The following MTMR7 variants were observed in gnomAD, a reference collection of about 807,000 sequenced individuals.
MTMR7 encodes phosphatidylinositol-3-phosphate phosphatase MTMR7.
A neutral mutation model predicts 81.2 loss-of-function variants in MTMR7; 76 were observed. That is an observed-to-expected ratio of 0.94 (90% CI 0.78 to 1.13). The LOEUF (loss-of-function observed/expected upper bound fraction) is 1.13. MTMR7 is among the 50% of genes most tolerant of loss of function. The pLI is 0.00. For synonymous variants in MTMR7, 372 were observed against 289.8 expected (o/e 1.28, Z -2.88); for missense variants, 1,044 against 820.0 (o/e 1.27, Z -3.34).
At chr8:17,322,449 C>T (rs1818439307) in intron 7 of MTMR7, among the ~76,000 whole-genome samples, 1 of 152,114 alleles carries the variant, frequency 6.6e-6, no homozygotes, top group African/African-American at 2.4e-5. Context: ...TCATGGTAAC[C>T]TGTACTATCC....
intron 6 of MTMR7, among the ~76,000 whole-genome samples, chr8:17,333,156 C>T (rs1249469363): frequency 6.6e-6 from 1 of 152,138 alleles, no homozygotes; most frequent in Admixed American, 6.6e-5. Flanking sequence ...CACATCAGCC[C>T]CTCAGGACAC....
intron 4 of MTMR7, among the ~76,000 whole-genome samples, chr8:17,355,754 T>C (rs1224009398): frequency 6.6e-6 from 1 of 151,732 alleles, no homozygotes; most frequent in East Asian, 1.9e-4. Flanking sequence ...AAACAACAAA[T>C]AATCTTATAG....
At chr8:17,406,325 C>CA (rs1821580977) in intron 1 of MTMR7, among the ~76,000 whole-genome samples, 1 of 152,042 alleles carries the variant, frequency 6.6e-6, no homozygotes, top group Admixed American at 6.6e-5. Context: ...AAGAAAGAAA[C>CA]AAAGGAATTG....
chr8:17,316,667 A>G (rs1338476676), intron 7 of MTMR7, among the ~76,000 whole-genome samples: 7 of 152,206 alleles, frequency 4.6e-5, no homozygotes, highest in South Asian at 2.1e-4. Flanking sequence ...AAAAATAACA[A>G]TACAACAAAA....
chr8:17,346,971 G>A (rs568680366), intron 5 of MTMR7, among the ~76,000 whole-genome samples: 1 of 149,600 alleles, frequency 6.7e-6, no homozygotes, highest in Admixed American at 6.7e-5. Flanking sequence ...GAGGCAGGCA[G>A]ATCACTTGAG....
chr8:17,322,308 C>T (rs1818431528), intron 7 of MTMR7, among the ~76,000 whole-genome samples: 1 of 152,200 alleles, frequency 6.6e-6, no homozygotes, highest in South Asian at 2.1e-4. Context: ...GCTACACAAG[C>T]TCATCACCAT....
At chr8:17,411,785 A>G (rs577771965) in intron 1 of MTMR7, among the ~76,000 whole-genome samples, 1 of 152,356 alleles carries the variant, frequency 6.6e-6, no homozygotes, top group Non-Finnish European at 1.5e-5. Context: ...GGCTTTGTAT[A>G]TAGAACAGAA....
chr8:17,394,291 C>G (rs991679170), intron 1 of MTMR7, among the ~76,000 whole-genome samples: 10 of 152,148 alleles, frequency 6.6e-5, no homozygotes, highest in Non-Finnish European at 1.2e-4. Flanking sequence ...AGAAACAACT[C>G]AAATATCCAT....
rs1474795512 is a variant in MTMR7 at position 17,299,086 on chromosome 8, A to G, written c.*776T>C. ...TCGGTAGTGTAGTCTCTAGAACAGT[A>G]ATAAAAGGTTATTACAAGAAAGCTG... is the stretch of plus-strand genomic sequence containing the variant. On this transcript the variant is annotated 3_prime_UTR_variant, in exon 14 of 14. Transcript: ENST00000180173. 6.6e-6 allele frequency: 1 copy of G among 152,168 alleles called. No individual in the cohort carries two copies. Among genetic ancestry groups the G allele is most frequent in the Non-Finnish European group, 1.5e-5 (1 of 68,032 alleles). The allele number at this position is 152,168 out of a possible 1,614,324, so 9.4% of individuals were successfully genotyped here. A position where few individuals can be genotyped will look rare whatever the true frequency, so the allele number is the denominator to read the frequency against.
chr8:17,357,250 G>C (rs1292403923), intron 4 of MTMR7, among the ~76,000 whole-genome samples: 1 of 152,144 alleles, frequency 6.6e-6, no homozygotes, highest in African/African-American at 2.4e-5. Flanking sequence ...TTGTAAAGTA[G>C]AAATAATAAT....
intron 1 of MTMR7, among the ~76,000 whole-genome samples, chr8:17,377,839 A>G (rs1289773572): frequency 6.6e-6 from 1 of 152,146 alleles, no homozygotes; most frequent in African/African-American, 2.4e-5. Flanking sequence ...TATTTTACTT[A>G]AACTTTTGTC....
At chr8:17,302,526 T>C (rs1039490749) in intron 12 of MTMR7, 1 of 359,570 alleles carries the variant, frequency 2.8e-6, no homozygotes, top group Middle Eastern at 7.4e-4. Flanking sequence ...TAGCACAGAA[T>C]ACATTTTTCT....
At position 17,309,162 on chromosome 8, in the gene MTMR7, G is replaced by T. The variant is rs534661146; in HGVS notation, c.1151+115C>A. 3.4e-4 allele frequency: 241 copies of T among 705,836 alleles called. 3 individuals carry two copies. Among genetic ancestry groups the T allele is most frequent in the Middle Eastern group, 1.5e-3 (4 of 2,602 alleles). The allele number at this position is 705,836 out of a possible 1,614,324, so 43.7% of individuals were successfully genotyped here. On this transcript the variant is annotated intron_variant, in intron 10 of 13. Transcript: ENST00000180173. The stretch of plus-strand genomic sequence containing the variant: ...ATATACAACAAAATTTAAGCTTTCT[G>T]AATAAGAGACACAAACTCAAAAAAC...
At chr8:17,387,740 C>T (rs1453478076) in intron 1 of MTMR7, among the ~76,000 whole-genome samples, 1 of 152,010 alleles carries the variant, frequency 6.6e-6, no homozygotes, top group African/African-American at 2.4e-5. Context: ...TTATACTGAT[C>T]AGAGAAAAAT....
intron 3 of MTMR7, among the ~76,000 whole-genome samples, chr8:17,369,377 T>C (rs1039362632): frequency 3.3e-5 from 5 of 152,220 alleles, no homozygotes; most frequent in Admixed American, 2.0e-4. Flanking sequence ...CCTGGCGTCA[T>C]TTCCATTTAG....
chr8:17,299,865 G>C lies in MTMR7; in HGVS notation c.1980C>G (p.Ala660=). ...RDSDEAVFLT[A] is the part of the protein sequence containing the mutation. ...TTTGGAACTCCAAAGGGAAACTTCAGGCAGTGAGAAACACGGCTTCATCAG... is the reference window on the plus strand; with the variant it reads ...TTTGGAACTCCAAAGGGAAACTTCACGCAGTGAGAAACACGGCTTCATCAG... The change falls in exon 14 of 14, where the codon GCC becomes GCG. Residue 660 remains alanine, a synonymous_variant. Transcript: ENST00000180173. 1 of 1,613,864 alleles carries C rather than the reference G, an allele frequency of 6.2e-7. No homozygotes were observed. Among genetic ancestry groups the C allele is most frequent in the South Asian group, 1.1e-5 (1 of 91,056 alleles).
At position 17,341,487 on chromosome 8, in the gene MTMR7, C is replaced by A; in HGVS notation, c.608G>T (p.Cys203Phe). ...YYYKDNHASI[C>F]RSSQPLSGFS... The stretch of plus-strand genomic sequence containing the variant: ...GCCGGACAGGGGCTGGCTGCTCCGG[C>A]AGATGGAGGCCTAGGGGGAGAGGTC... The change falls in exon 6 of 14, where the codon TGC becomes TTC. Residue 203 changes from cysteine to phenylalanine, a missense_variant. Coordinates refer to ENST00000180173, the MANE Select transcript of MTMR7 (RefSeq NM_004686.5). 1 of 1,613,704 alleles carries A rather than the reference C, an allele frequency of 6.2e-7. No homozygotes were observed. Among genetic ancestry groups the A allele is most frequent in the Non-Finnish European group, 8.5e-7 (1 of 1,180,002 alleles).
intron 1 of MTMR7, among the ~76,000 whole-genome samples, chr8:17,411,730 G>A (rs10503594): frequency 2.0e-5 from 3 of 152,100 alleles, no homozygotes; most frequent in Non-Finnish European, 4.4e-5. Context: ...TTAAGAGTAA[G>A]AACACTGCTT....
intron 10 of MTMR7, among the ~76,000 whole-genome samples, 163 bp from the exon 11 acceptor site, chr8:17,306,120 A>G (rs901176269): frequency 1.3e-5 from 2 of 152,316 alleles, no homozygotes; most frequent in Admixed American, 1.3e-4. Flanking sequence ...TTTAAATTCA[A>G]ATTTCCAGAG....
Sources: allele counts gnomAD v4.1 joint callset (sites outside exome capture counted in the v4.1 genomes callset), GRCh38; gene constraint gnomAD v4.1.1; transcripts MANE v1.5; gene names NCBI Gene and HGNC (gene_info 2026-07-23, HGNC 2026-07-21).